ACSM3: variants seen among roughly 807,000 people sequenced by gnomAD.
ACSM3 encodes acyl-CoA synthetase medium chain family member 3, also known as acyl-coenzyme A synthetase ACSM3, mitochondrial.
Under a neutral mutation model 74.1 loss-of-function variants are expected in ACSM3, and 61 were observed. The observed-to-expected ratio is 0.82, with a 90% CI of 0.67 to 1.02. The LOEUF (loss-of-function observed/expected upper bound fraction) is 1.02, where lower values mean the gene tolerates loss of function less well. Among genes scored for constraint, ACSM3 ranks in the 50% least tolerant of loss-of-function variants. The pLI, the probability that ACSM3 is intolerant of heterozygous loss-of-function variation, is 0.00. For missense variants in ACSM3, 660 were observed against 697.0 expected (o/e 0.95, Z 0.60); for synonymous variants, 213 against 241.5 (o/e 0.88, Z 1.09).
At chr16:20,686,221 T>A (rs1596956393) in intron 1 of ACSM3, among the ~76,000 whole-genome samples, 2 of 152,272 alleles carry the variant, frequency 1.3e-5, no homozygotes, top group East Asian at 3.9e-4. Context: ...AAAATTTTTT[T>A]AATTAAGTTA....
intron 1 of ACSM3, chr16:20,741,765 G>C: frequency 6.4e-7 from 1 of 1,554,628 alleles, no homozygotes; most frequent in Non-Finnish European, 8.7e-7. Flanking sequence ...AGAGGAAAGA[G>C]AAACGTTTCT....
rs536999427 is a variant in ACSM3, at chr16:20,786,448, A to C, written c.1224+290A>C. The C allele has an allele frequency of 5.6e-4, 238 of 425,324 alleles. 1 individual carries two copies. The highest frequency in any genetic ancestry group is 4.5e-3 in the African/African-American group (222 of 48,826). 26.3% of individuals were successfully genotyped at this position (425,324 alleles called of 1,614,324 possible). ...GTAATCCCAACACTTTGGGAGGCCA[A>C]GGCGGGAGCATCACTTGAGCCCAGG... is the stretch of plus-strand genomic sequence containing the variant. On this transcript the variant is annotated intron_variant, in intron 9 of 13. Transcript: ENST00000289416.
intron 1 of ACSM3, chr16:20,731,604 A>AC (rs2079830750): frequency 3.2e-6 from 1 of 308,496 alleles, no homozygotes; most frequent in Admixed American, 5.4e-5. Flanking sequence ...AGAGCAAGAT[A>AC]AATTATCTGT....
chr16:20,751,190 GA>G (rs1341691501), intron 2 of ACSM3, among the ~76,000 whole-genome samples: 1 of 152,156 alleles, frequency 6.6e-6, no homozygotes, highest in Non-Finnish European at 1.5e-5. Context: ...GGAAAATCCT[GA>G]ACCAGTGGCC....
intron 1 of ACSM3, among the ~76,000 whole-genome samples, chr16:20,709,624 T>G (rs1229591514): frequency 6.6e-6 from 1 of 152,246 alleles, no homozygotes; most frequent in Non-Finnish European, 1.5e-5. Flanking sequence ...TAAATAATCT[T>G]ATATTTTTAC....
At chr16:20,773,171 A>C (rs9927521) in intron 2 of ACSM3, among the ~76,000 whole-genome samples, 7,341 of 152,164 alleles carry the variant, frequency 0.048, 592 homozygotes, top group African/African-American at 0.17. Context: ...ATAGTTGTTC[A>C]TAAGAGTCTT....
upstream of ACSM3, among the ~76,000 whole-genome samples, chr16:20,761,919 A>G (rs547665472): frequency 2.1e-3 from 326 of 152,362 alleles, no homozygotes; most frequent in African/African-American, 7.1e-3. Flanking sequence ...GACATTGCAC[A>G]TGTGGCCCCT....
intron 1 of ACSM3, chr16:20,721,492 A>G (rs1200656753): frequency 6.6e-6 from 1 of 152,184 alleles, no homozygotes. Context: ...TTTTTATTAA[A>G]GAGTGGAAGA....
intron 3 of ACSM3, 128 bp downstream of exon 3, chr16:20,776,177 A>G (rs2080253729): frequency 9.6e-7 from 1 of 1,039,136 alleles, no homozygotes; most frequent in African/African-American, 1.6e-5. Flanking sequence ...TTTAAATTAT[A>G]TAAAAGTTAG....
Position 20,796,369 on chromosome 16 carries a change from G to C in ACSM3, c.1555-1G>C. The C allele has an allele frequency of 6.2e-7, 1 of 1,605,560 alleles. No homozygotes were observed. The highest frequency in any genetic ancestry group is 8.5e-7 in the Non-Finnish European group (1 of 1,178,026). ...CCTGGTGTTTCAAATATTTATTTTAGGTAGTAAAGGCTTTTGTCGTTCTAA... is the reference window on the plus strand; with the variant it reads ...CCTGGTGTTTCAAATATTTATTTTACGTAGTAAAGGCTTTTGTCGTTCTAA... On this transcript the variant is annotated splice_acceptor_variant, in intron 12 of 13. Coordinates refer to ENST00000289416, the MANE Select transcript of ACSM3 (RefSeq NM_005622.4). LOFTEE classifies it high-confidence loss of function.
chr16:20,749,063 C>A (rs996122245), intron 1 of ACSM3, among the ~76,000 whole-genome samples: 21 of 149,562 alleles, frequency 1.4e-4, no homozygotes, highest in African/African-American at 5.2e-4. Context: ...TCCGTCTCCA[C>A]AAAAAAAGAA....
At chr16:20,716,541 A>C (rs1040142450) in intron 1 of ACSM3, among the ~76,000 whole-genome samples, 2 of 152,156 alleles carry the variant, frequency 1.3e-5, no homozygotes, top group Non-Finnish European at 2.9e-5. Context: ...CAGGCTTATA[A>C]ACATGCTCTC....
chr16:20,790,805 G>T lies in ACSM3; in HGVS notation c.1326+117G>T. ...TACTTGACCCTTTCTTGAGAGATTG[G>T]TTGTCCTGAATAGTAATCCAAAAGA... On this transcript the variant is annotated intron_variant, in intron 10 of 13. Transcript: ENST00000289416. The surrounding 1 kb of genome is among the most constrained non-coding windows in gnomAD (Gnocchi z 4.0). 6.2e-7 allele frequency: 1 copy of T among 1,613,470 alleles called. No individual in the cohort carries two copies. The highest frequency in any genetic ancestry group is 8.5e-7 in the Non-Finnish European group (1 of 1,179,678).
chr16:20,688,708 C>G (rs79553950), intron 1 of ACSM3, among the ~76,000 whole-genome samples: 1 of 151,856 alleles, frequency 6.6e-6, no homozygotes, highest in Non-Finnish European at 1.5e-5. Flanking sequence ...TTAGGGTATT[C>G]CCAGATAAAC....
rs189183376 is a variant in ACSM3 at position 20,714,307 on chromosome 16, C to A, written c.-189-35603C>A. ...GGAGATAGAGTGAAGGCTGTAAGAG[C>A]AAACAGAGGCCAGATTATGGAAGAT... is the stretch of plus-strand genomic sequence containing the variant. On this transcript the variant is annotated intron_variant, in intron 1 of 3. Transcript: ENST00000561584. Among the ~76,000 whole-genome samples, 109 of 142,926 alleles carry A rather than the reference C, an allele frequency of 7.6e-4. 3 individuals are homozygous for A. Among genetic ancestry groups the A allele is most frequent in the Non-Finnish European group, 5.9e-5 (4 of 67,864 alleles). 93.8% of individuals were successfully genotyped at this position (142,926 alleles called of 152,430 possible). A position where few individuals can be genotyped will look rare whatever the true frequency, so the allele number is the denominator to read the frequency against.
intron 1 of ACSM3, among the ~76,000 whole-genome samples, chr16:20,714,857 T>C (rs149736409): frequency 1.3e-5 from 2 of 152,290 alleles, no homozygotes; most frequent in African/African-American, 4.8e-5. Context: ...TATACTTAGC[T>C]CTGAAAACCT....
intron 1 of ACSM3, chr16:20,703,335 C>G (rs2079718574): frequency 6.6e-6 from 1 of 152,088 alleles, no homozygotes; most frequent in African/African-American, 2.4e-5. Flanking sequence ...GTAGTTTTTT[C>G]TAATTCTGCA....
chr16:20,788,111 T>TA (rs2080514450), intron 9 of ACSM3, among the ~76,000 whole-genome samples: 1 of 152,190 alleles, frequency 6.6e-6, no homozygotes, highest in Admixed American at 6.5e-5. Flanking sequence ...TTTATTTATT[T>TA]TTTTATTTTT....
At chr16:20,733,094 G>A (rs1233278664) in intron 1 of ACSM3, 1 of 152,314 alleles carries the variant, frequency 6.6e-6, no homozygotes, top group East Asian at 1.9e-4. Context: ...ATCCTTCCTG[G>A]TTTAAGTTTT....
Sources: gnomAD v4.1 joint callset for allele counts (sites outside exome capture counted in the v4.1 genomes callset) on GRCh38, gnomAD v4.1.1 for gene constraint, Gnocchi (gnomAD v3.1) non-coding constraint, MANE v1.5 for transcripts, NCBI Gene and HGNC (gene_info 2026-07-23, HGNC 2026-07-21) for gene names.